Variants in NEURL1 observed in about 807,000 individuals in gnomAD.
NEURL1 encodes neuralized E3 ubiquitin protein ligase 1.
Under a neutral mutation model 41.2 loss-of-function variants are expected in NEURL1, and 26 were observed. The ratio of observed to expected loss-of-function variants is 0.63; its 90% CI spans 0.46 to 0.87. The LOEUF is 0.87. Ranked by LOEUF, NEURL1 falls within the 40% of genes least tolerant of loss-of-function variation. NEURL1 has a pLI of 0.00. For synonymous variants in NEURL1, 400 were observed against 402.3 expected, an observed-to-expected ratio of 0.99 and a Z score of 0.07; for missense variants, 761 against 871.1, an observed-to-expected ratio of 0.87 and a Z score of 1.59.
At chr10:103,538,709 C>T (rs1341101876) in intron 1 of NEURL1, among the ~76,000 whole-genome samples, 4 of 148,476 alleles carry the variant, frequency 2.7e-5, no homozygotes, top group African/African-American at 7.5e-5. Flanking sequence ...TGCAGTGGCA[C>T]GATCTCGGCT....
At chr10:103,574,012 C>T (rs569918214) in intron 3 of NEURL1, among the ~76,000 whole-genome samples, 3 of 152,306 alleles carry the variant, frequency 2.0e-5, no homozygotes, top group South Asian at 2.1e-4. Context: ...CTCACTCAGT[C>T]GGGCTGCTCT....
At chr10:103,524,839 G>A (rs2034428610) in intron 1 of NEURL1, among the ~76,000 whole-genome samples, 1 of 151,892 alleles carries the variant, frequency 6.6e-6, no homozygotes, top group Non-Finnish European at 1.5e-5. Flanking sequence ...TGTTGTTTTG[G>A]TCTTTTTAAT....
chr10:103,587,586 C>G (rs1399766890), intron 4 of NEURL1, among the ~76,000 whole-genome samples: 1 of 152,236 alleles, frequency 6.6e-6, no homozygotes, highest in Non-Finnish European at 1.5e-5. Context: ...GAATGCTTGG[C>G]TTTGTGGCTA....
At chr10:103,494,632 C>A in intron 1 of NEURL1, 160 bp downstream of exon 1, 1 of 631,306 alleles carries the variant, frequency 1.6e-6, no homozygotes, top group Non-Finnish European at 2.6e-6. Context: ...GGGCAGCCGG[C>A]GATGATGGTG....
At chr10:103,573,495 C>G (rs2133878841) in intron 3 of NEURL1, among the ~76,000 whole-genome samples, 1 of 152,262 alleles carries the variant, frequency 6.6e-6, no homozygotes, top group East Asian at 1.9e-4. Flanking sequence ...TGTCCCCACC[C>G]ATTCTGGGGA....
rs753855707 is a variant in NEURL1, at chr10:103,571,082, C to T, written c.296C>T (p.Pro99Leu). ...AACGCCATCACCTTCAGCAACCGCC[C>T]GGTCCTCATCTACGAGCAAGTCAGG... Reference protein sequence around the residue: ...FCNAITFSNRPVLIYEQVRLK... With the variant: ...FCNAITFSNRLVLIYEQVRLK... The change falls in exon 2 of 6, where the codon CCG becomes CTG. Residue 99 changes from proline to leucine, a missense_variant. Coordinates refer to ENST00000369780, the MANE Select transcript of NEURL1 (RefSeq NM_004210.5). The T allele has an allele frequency of 2.5e-6, 4 of 1,613,762 alleles. No individual in the cohort carries two copies. The highest frequency in any genetic ancestry group is 3.4e-6 in the Non-Finnish European group (4 of 1,180,002).
chr10:103,515,836 A>C (rs2034192219), intron 1 of NEURL1, among the ~76,000 whole-genome samples: 1 of 152,200 alleles, frequency 6.6e-6, no homozygotes, highest in African/African-American at 2.4e-5. Context: ...TTGGAAGACC[A>C]CTTATGAAGG....
At chr10:103,572,269 T>G (rs2035566508) in intron 3 of NEURL1, among the ~76,000 whole-genome samples, 1 of 152,158 alleles carries the variant, frequency 6.6e-6, no homozygotes, top group Non-Finnish European at 1.5e-5. Context: ...TACATCATGG[T>G]CCCAGGAGCC....
intron 1 of NEURL1, among the ~76,000 whole-genome samples, chr10:103,546,030 G>A (rs923298276): frequency 6.6e-6 from 1 of 152,198 alleles, no homozygotes; most frequent in Non-Finnish European, 1.5e-5. Flanking sequence ...TAGAGACAAG[G>A]TCTCACTCTG....
At position 103,584,590 on chromosome 10, in the gene NEURL1, G is replaced by A; in HGVS notation, c.704G>A (p.Arg235Gln). 1 of 1,416,112 alleles carries A rather than the reference G, an allele frequency of 7.1e-7. No homozygotes were observed. Among genetic ancestry groups the A allele is most frequent in the Non-Finnish European group, 9.2e-7 (1 of 1,090,952 alleles). The allele number at this position is 1,416,112 out of a possible 1,614,324, so 87.7% of individuals were successfully genotyped here. A position where few individuals can be genotyped will look rare whatever the true frequency, so the allele number is the denominator to read the frequency against. The change falls in exon 4 of 6, where the codon CGG becomes CAG. Residue 235 changes from arginine to glutamine, a missense_variant. Transcript: ENST00000369780. Reference sequence around the variant, plus strand: ...CGGCCGCGCTCCTTCACCGCCCTGCGGCGGCCGTCGCTGCGGCGCGAGGCG... The same window carrying A: ...CGGCCGCGCTCCTTCACCGCCCTGCAGCGGCCGTCGCTGCGGCGCGAGGCG... ...CLRPRSFTAL[R>Q]RPSLRREADD...
In NEURL1 at chr10:103,566,512, AT is replaced by A. The variant is rs1301691743; in HGVS notation, c.86-4353del. On this transcript the variant is annotated intron_variant, in intron 1 of 5. Coordinates refer to ENST00000369780, the MANE Select transcript of NEURL1 (RefSeq NM_004210.5). This position sits in a 1 kb window ranked among gnomAD's most constrained non-coding sequence, Gnocchi z 4.2. ...TTCACATAGCATACTTTTGAGAGCC[AT>A]TTTTTTAGTGTATATCAGTGGTTAT... Among the ~76,000 whole-genome samples the A allele has an allele frequency of 6.6e-6, 1 of 152,074 alleles. No homozygotes were observed. The highest frequency in any genetic ancestry group is 2.4e-5 in the African/African-American group (1 of 41,402).
chr10:103,563,833 G>C (rs952908782), intron 1 of NEURL1, among the ~76,000 whole-genome samples: 1 of 152,212 alleles, frequency 6.6e-6, no homozygotes, highest in African/African-American at 2.4e-5. Context: ...TTTGGAGGCA[G>C]CCAGCCCTGG....
chr10:103,557,426 G>A (rs143731773), intron 1 of NEURL1, among the ~76,000 whole-genome samples: 9 of 152,172 alleles, frequency 5.9e-5, no homozygotes, highest in Non-Finnish European at 8.8e-5. Flanking sequence ...GATCACTTGC[G>A]GTGCTCTAAG....
At chr10:103,568,892 GC>G (rs2035481098) in intron 1 of NEURL1, among the ~76,000 whole-genome samples, 2 of 152,164 alleles carry the variant, frequency 1.3e-5, no homozygotes, top group Non-Finnish European at 2.9e-5. Flanking sequence ...TTGGCTCACT[GC>G]AACCTCCACC....
At chr10:103,525,878 G>T (rs1336468314) in intron 1 of NEURL1, among the ~76,000 whole-genome samples, 1 of 152,132 alleles carries the variant, frequency 6.6e-6, no homozygotes, top group Non-Finnish European at 1.5e-5. Context: ...TGTTGGCTAT[G>T]ATTTTGTGCT....
intron 3 of NEURL1, among the ~76,000 whole-genome samples, chr10:103,575,428 C>T (rs1290271896): frequency 6.6e-6 from 1 of 152,212 alleles, no homozygotes; most frequent in African/African-American, 2.4e-5. Context: ...CTGCCCCTGC[C>T]CCCTTTGTCT....
intron 1 of NEURL1, among the ~76,000 whole-genome samples, chr10:103,519,648 A>G (rs1431247892): frequency 1.3e-5 from 2 of 152,214 alleles, no homozygotes; most frequent in Non-Finnish European, 2.9e-5. Flanking sequence ...GGGCTTATCC[A>G]GAAGATGCCA....
At chr10:103,532,158 T>G (rs1410999959) in intron 1 of NEURL1, among the ~76,000 whole-genome samples, 2 of 152,236 alleles carry the variant, frequency 1.3e-5, no homozygotes, top group African/African-American at 4.8e-5. Context: ...TGTATGTCTT[T>G]TAAATGGAGG....
chr10:103,530,683 G>C (rs1427875914), intron 1 of NEURL1, among the ~76,000 whole-genome samples: 1 of 151,938 alleles, frequency 6.6e-6, no homozygotes, highest in Non-Finnish European at 1.5e-5. Flanking sequence ...AGAGATTACA[G>C]GTGTGCGCCA....
Sources: allele counts gnomAD v4.1 joint callset (sites outside exome capture counted in the v4.1 genomes callset), GRCh38; gene constraint gnomAD v4.1.1; non-coding constraint Gnocchi (gnomAD v3.1); transcripts MANE v1.5; gene names NCBI Gene and HGNC (gene_info 2026-07-23, HGNC 2026-07-21).